Variants in PWP1 observed in about 807,000 individuals in gnomAD.
PWP1 encodes PWP1 homolog, endonuclein, also known as periodic tryptophan protein 1 homolog.
A neutral mutation model predicts 69.9 loss-of-function variants in PWP1; 47 were observed. That is an observed-to-expected ratio of 0.67 (90% CI 0.53 to 0.86). The LOEUF is 0.86. Among genes scored for constraint, PWP1 ranks in the 40% least tolerant of loss-of-function variants. The probability of loss-of-function intolerance (pLI) is 0.00; values close to 1 mark genes in which losing one functional copy is unlikely to be tolerated. For missense variants in PWP1, 551 were observed against 608.8 expected (o/e 0.91, Z 1.00); for synonymous variants, 222 against 208.2 (o/e 1.07, Z -0.57).
intron 11 of PWP1, among the ~76,000 whole-genome samples, chr12:107,707,451 G>C (rs1366441082): frequency 6.6e-6 from 1 of 152,170 alleles, no homozygotes; most frequent in African/African-American, 2.4e-5. Context: ...GGAGTGGTGA[G>C]AGAGGGCATC....
chr12:107,700,311 G>A lies in PWP1; in HGVS notation c.806+877G>A, dbSNP rs114355539. 6.3e-3 allele frequency among the ~76,000 whole-genome samples: 961 copies of A among 152,090 alleles called. 9 individuals carry two copies. Among genetic ancestry groups the A allele is most frequent in the African/African-American group, 0.021 (887 of 41,496 alleles). On this transcript the variant is annotated intron_variant, in intron 8 of 14. Transcript: ENST00000412830. ...GCATCTCCAGAACATTTTCATCTCCGTACTGCAGCTCTGCCCTTTAAACAC... is the reference window on the plus strand; with the variant it reads ...GCATCTCCAGAACATTTTCATCTCCATACTGCAGCTCTGCCCTTTAAACAC...
At position 107,712,465 on chromosome 12, in the gene PWP1, G is replaced by GTAA. The variant is rs1889976056; in HGVS notation, c.*247_*249dup. 6.0e-6 allele frequency: 2 copies of GTAA among 335,168 alleles called. No individual in the cohort carries two copies. The highest frequency in any genetic ancestry group is 2.1e-5 in the African/African-American group (1 of 47,604). The allele number at this position is 335,168 out of a possible 1,614,324, so 20.8% of individuals were successfully genotyped here. On this transcript the variant is annotated 3_prime_UTR_variant, in exon 15 of 15. Transcript: ENST00000412830. ...GAGTAATAAAAAGGATTTTTAAAAA[G>GTAA]TAATTCCTTAAACATACCATCTGTC...
intron 1 of PWP1, among the ~76,000 whole-genome samples, chr12:107,686,763 G>T (rs1334933836): frequency 2.6e-5 from 4 of 152,074 alleles, no homozygotes; most frequent in African/African-American, 9.7e-5. Context: ...TCAGGAGATC[G>T]AGAGCATCCT....
At chr12:107,699,603 C>A (rs74612962) in intron 8 of PWP1, among the ~76,000 whole-genome samples, 169 bp downstream of exon 8, 4,358 of 152,184 alleles carry the variant, frequency 0.029, 214 homozygotes, top group African/African-American at 0.099. Context: ...TCTTTGCATC[C>A]TCCAGGTCAC....
intron 7 of PWP1, among the ~76,000 whole-genome samples, chr12:107,698,513 G>A (rs1046078935): frequency 6.6e-6 from 1 of 152,188 alleles, no homozygotes; most frequent in Non-Finnish European, 1.5e-5. Context: ...GGGTGACAGA[G>A]CGAGATTTTG....
rs765773194 is a variant in PWP1, at chr12:107,688,621, A to T, written c.138A>T (p.Glu46Asp). 4.3e-6 allele frequency: 7 copies of T among 1,613,700 alleles called. No homozygotes were observed. The East Asian group carries it at 8.9e-5, about 21-fold the overall frequency. ...IAEAKEKLQE[E>D]GGGSDEEETG... ...TTTCTTTCTGTGCTCATAGAGAAGAAGGTGGTGGCAGTGATGAAGAGGAGA... is the reference window on the plus strand; with the variant it reads ...TTTCTTTCTGTGCTCATAGAGAAGATGGTGGTGGCAGTGATGAAGAGGAGA... Residue 46 changes from glutamate (E) to aspartate (D), a missense_variant, in exon 3 of 15, where the codon GAA (glutamate) becomes GAT (aspartate). By Grantham distance (45) the Glu-to-Asp change is conservative. Coordinates refer to ENST00000412830, the MANE Select transcript of PWP1 (RefSeq NM_007062.3).
chr12:107,709,111 G>T lies in PWP1; in HGVS notation c.1169G>T (p.Gly390Val). ...TLNAHNDEIS[G>V]LDLSSQIKGC... is the part of the protein sequence containing the mutation. ...AGTGTCTAAACTTATCTTCCTTTAG[G>T]TCTTGATCTTAGCAGTCAAATCAAG... The change falls in exon 13 of 15, where the codon GGT becomes GTT. Residue 390 changes from glycine (G) to valine (V), a missense_variant and splice_region_variant. Gly to Val is a moderately radical substitution (Grantham distance 109). Coordinates refer to ENST00000412830, the MANE Select transcript of PWP1 (RefSeq NM_007062.3). 1 of 1,613,752 alleles carries T rather than the reference G, an allele frequency of 6.2e-7. No homozygotes were observed. The highest frequency in any genetic ancestry group is 8.5e-7 in the Non-Finnish European group (1 of 1,179,890).
intron 11 of PWP1, among the ~76,000 whole-genome samples, chr12:107,708,723 C>T (rs1889877486): frequency 6.6e-6 from 1 of 152,216 alleles, no homozygotes; most frequent in Admixed American, 6.5e-5. Flanking sequence ...GCTTCATACT[C>T]ATATCCAGTA....
intron 3 of PWP1, among the ~76,000 whole-genome samples, chr12:107,690,182 A>G (rs1566076692): frequency 6.6e-6 from 1 of 152,184 alleles, no homozygotes; most frequent in Non-Finnish European, 1.5e-5. Flanking sequence ...AACAAAGTAA[A>G]ATCACAACTA....
chr12:107,700,488 T>C (rs1889686376), intron 8 of PWP1, among the ~76,000 whole-genome samples: 1 of 152,236 alleles, frequency 6.6e-6, no homozygotes, highest in South Asian at 2.1e-4. Flanking sequence ...GGTTCAGTCA[T>C]GTTCCAATAA....
chr12:107,695,716 G>C (rs140836989), intron 5 of PWP1, among the ~76,000 whole-genome samples: 16 of 152,228 alleles, frequency 1.1e-4, no homozygotes, highest in African/African-American at 3.9e-4. Context: ...AAAATATTAA[G>C]AGTAATTTTT....
Position 107,696,499 on chromosome 12 carries a change from T to C in PWP1, c.528T>C (p.Phe176=). The part of the protein sequence containing the change: ...VHVYNQEEDS[F]YVHHDILLSA... Reference sequence around the variant, plus strand: ...TTTATAATCAAGAAGAAGACTCTTTTTATGTACACCATGATATACTCTTGT... The same window carrying C: ...TTTATAATCAAGAAGAAGACTCTTTCTATGTACACCATGATATACTCTTGT... The change falls in exon 6 of 15, where the codon TTT becomes TTC. Residue 176 remains phenylalanine (F), a synonymous_variant. Coordinates refer to ENST00000412830, the MANE Select transcript of PWP1 (RefSeq NM_007062.3). 6.2e-7 allele frequency: 1 copy of C among 1,614,060 alleles called. No homozygotes were observed. The highest frequency in any genetic ancestry group is 8.5e-7 in the Non-Finnish European group (1 of 1,179,976).
At position 107,685,819 on chromosome 12, in the gene PWP1, T is replaced by G; in HGVS notation, c.-81T>G. ...CTGGCAGCGGCCCTGTGCAGATCCCTGAGCGTGTGGCAGCAGTGCGGTCGT... is the reference window on the plus strand; with the variant it reads ...CTGGCAGCGGCCCTGTGCAGATCCCGGAGCGTGTGGCAGCAGTGCGGTCGT... On this transcript the variant is annotated 5_prime_UTR_variant, in exon 1 of 15. Coordinates refer to ENST00000412830, the MANE Select transcript of PWP1 (RefSeq NM_007062.3). The G allele has an allele frequency of 2.0e-6, 3 of 1,493,194 alleles. No individual in the cohort carries two copies. Among genetic ancestry groups the G allele is most frequent in the South Asian group, 1.1e-5 (1 of 88,008 alleles). 92.5% of individuals were successfully genotyped at this position (1,493,194 alleles called of 1,614,324 possible). A position where few individuals can be genotyped will look rare whatever the true frequency, so the allele number is the denominator to read the frequency against.
chr12:107,689,004 T>TA (rs201646899), intron 3 of PWP1, among the ~76,000 whole-genome samples: 7 of 148,812 alleles, frequency 4.7e-5, no homozygotes, highest in South Asian at 2.1e-4. Flanking sequence ...ATCTAGGATC[T>TA]AAAAAAAAAA....
Position 107,687,067 on chromosome 12 carries a change from C to A in PWP1, c.72+1096C>A, listed in dbSNP as rs1245445886. Among the ~76,000 whole-genome samples the A allele has an allele frequency of 3.3e-5, 5 of 149,570 alleles. No homozygotes were observed. In the East Asian group the frequency reaches 9.8e-4, roughly 29 times the overall value. ...ATAGTATGTCAGTGGGAGTTAAGTT[C>A]TACCAAACAGTAAAAGGGGTTGATT... On this transcript the variant is annotated intron_variant, in intron 1 of 14. Transcript: ENST00000412830.
At chr12:107,686,519 G>A (rs548069972) in intron 1 of PWP1, among the ~76,000 whole-genome samples, 1 of 152,318 alleles carries the variant, frequency 6.6e-6, no homozygotes, top group Non-Finnish European at 1.5e-5. Context: ...CAGGGAGGAT[G>A]AGAGGTAAAT....
chr12:107,703,739 TATG>T lies in PWP1; in HGVS notation c.961_963del (p.Asp321del). On this transcript the variant is annotated inframe_deletion, in exon 10 of 15. Transcript: ENST00000412830. ...AGCACAGACTCTGATTTCTGGCTCA[TATG>T]ATAAGTAAGAAAGCACAGCAAGAAT... 5 of 1,597,784 alleles carry T rather than the reference TATG, an allele frequency of 3.1e-6. 1 individual carries two copies. The highest frequency in any genetic ancestry group is 2.2e-5 in the South Asian group (2 of 90,772).
At chr12:107,711,254 C>G (rs1037313033) in intron 14 of PWP1, among the ~76,000 whole-genome samples, 2 of 152,146 alleles carry the variant, frequency 1.3e-5, no homozygotes, top group South Asian at 4.1e-4. Flanking sequence ...CTTAAGAATG[C>G]CTTTAAGCAG....
intron 3 of PWP1, among the ~76,000 whole-genome samples, chr12:107,689,144 T>C (rs1015537615): frequency 5.9e-5 from 9 of 152,316 alleles, no homozygotes; most frequent in Admixed American, 5.2e-4. Context: ...CTGCAGTCAG[T>C]CTTCTCACAA....
Sources: allele counts gnomAD v4.1 joint callset (sites outside exome capture counted in the v4.1 genomes callset), GRCh38; gene constraint gnomAD v4.1.1; transcripts MANE v1.5; gene names NCBI Gene and HGNC (gene_info 2026-07-23, HGNC 2026-07-21).